ATP7A: variants seen among roughly 807,000 people sequenced by gnomAD.
ATP7A encodes the protein ATPase copper transporting alpha.
A neutral mutation model predicts 83.5 loss-of-function variants in ATP7A; 7 were observed. The ratio of observed to expected loss-of-function variants is 0.08; its 90% CI spans 0.05 to 0.16. ATP7A has a LOEUF of 0.16. ATP7A is among the 10% of genes least tolerant of loss of function. The pLI, the probability that ATP7A is intolerant of heterozygous loss-of-function variation, is 1.00. For missense variants in ATP7A, 940 were observed against 1,120.8 expected, an observed-to-expected ratio of 0.84 and a Z score of 2.30; for synonymous variants, 354 against 395.2, an observed-to-expected ratio of 0.90 and a Z score of 1.24.
At chrX:78,035,606 A>G (rs907324048) in intron 17 of ATP7A, among the ~76,000 whole-genome samples, 5 of 110,967 alleles carry the variant, frequency 4.5e-5, no homozygotes, top group Middle Eastern at 4.6e-3. Flanking sequence ...TCTGTTCCCC[A>G]TGATATGTCT....
chrX:78,026,111 C>T (rs1201925537), intron 14 of ATP7A, among the ~76,000 whole-genome samples: 2 of 111,320 alleles, frequency 1.8e-5, no homozygotes, highest in Non-Finnish European at 3.8e-5. Context: ...TGTAAATGGC[C>T]TAAATACTCC....
At chrX:78,021,141 T>G (rs2077903367) in intron 14 of ATP7A, 62 bp downstream of exon 14, 1 of 1,076,562 alleles carries the variant, frequency 9.3e-7, no homozygotes, top group African/African-American at 1.8e-5. Flanking sequence ...TTTGCATTAG[T>G]AATTCATTGG....
intron 1 of ATP7A, among the ~76,000 whole-genome samples, chrX:77,930,057 A>T (rs1557224018): frequency 8.9e-6 from 1 of 112,037 alleles, no homozygotes; most frequent in Non-Finnish European, 1.9e-5. Flanking sequence ...GAAGCACATG[A>T]AGAGGGAGAA....
chrX:78,017,746 T>C (rs781873414), intron 12 of ATP7A, among the ~76,000 whole-genome samples: 12 of 102,755 alleles, frequency 1.2e-4, no homozygotes, highest in Admixed American at 7.3e-4. Flanking sequence ...AAAAATGCCA[T>C]CCGTCTCTTT....
At chrX:77,960,855 T>G (rs1313191883) in intron 1 of ATP7A, among the ~76,000 whole-genome samples, 3 of 112,033 alleles carry the variant, frequency 2.7e-5, no homozygotes, top group Non-Finnish European at 5.6e-5. Flanking sequence ...GTTTTTTCCA[T>G]ACTATATGAA....
rs1300793913 is a variant in ATP7A, at chrX:77,939,548, T to A, written c.-22+28713T>A. 6.3e-5 allele frequency among the ~76,000 whole-genome samples: 7 copies of A among 110,809 alleles called. No individual in the cohort carries two copies. The Admixed American group carries it at 6.8e-4, about 11-fold the overall frequency. ...AAGGTAAACAGAAAATGCTCTGACTTAACAGTTCCCCTCTCAGAGGAACTG... is the reference window on the plus strand; with the variant it reads ...AAGGTAAACAGAAAATGCTCTGACTAAACAGTTCCCCTCTCAGAGGAACTG... On this transcript the variant is annotated intron_variant, in intron 1 of 22. Coordinates refer to ENST00000341514, the MANE Select transcript of ATP7A (RefSeq NM_000052.7).
At chrX:77,942,586 C>T (rs1001861643) in intron 1 of ATP7A, among the ~76,000 whole-genome samples, 1 of 109,434 alleles carries the variant, frequency 9.1e-6, no homozygotes, top group Non-Finnish European at 1.9e-5. Context: ...GCTGGGACCA[C>T]AGTCACGTGC....
chrX:77,946,795 C>T (rs2077382740), intron 1 of ATP7A, among the ~76,000 whole-genome samples: 2 of 106,815 alleles, frequency 1.9e-5, no homozygotes, highest in East Asian at 5.8e-4. Flanking sequence ...AACTCTTGTG[C>T]ATTGTTGATA....
chrX:77,938,180 C>T (rs782410497), intron 1 of ATP7A, among the ~76,000 whole-genome samples: 12 of 112,047 alleles, frequency 1.1e-4, no homozygotes, highest in African/African-American at 2.9e-4. Context: ...ATTTATTTAT[C>T]GTAAGCGTCT....
intron 10 of ATP7A, among the ~76,000 whole-genome samples, chrX:78,014,209 C>T (rs931925098): frequency 1.3e-4 from 14 of 109,474 alleles, no homozygotes; most frequent in Admixed American, 2.0e-4. Flanking sequence ...AGTTTGAGAC[C>T]GGCCTGGCCA....
chrX:77,919,882 C>T (rs2077203703), intron 1 of ATP7A, among the ~76,000 whole-genome samples: 1 of 112,254 alleles, frequency 8.9e-6, no homozygotes, highest in African/African-American at 3.2e-5. Flanking sequence ...AGATTTTTTT[C>T]ATCATCCCAA....
chrX:77,981,491 A>T (rs1379496059), intron 2 of ATP7A, among the ~76,000 whole-genome samples: 1 of 112,055 alleles, frequency 8.9e-6, no homozygotes, highest in Non-Finnish European at 1.9e-5. Context: ...TACATTTGTC[A>T]TATAATGTTT....
intron 21 of ATP7A, among the ~76,000 whole-genome samples, chrX:78,045,062 C>T (rs782219631): frequency 4.5e-5 from 5 of 112,292 alleles, no homozygotes; most frequent in Admixed American, 9.4e-5. Context: ...TCATCCTCAT[C>T]ATGTGAGCAA....
chrX:77,990,110 G>C, intron 4 of ATP7A, 152 bp downstream of exon 4: 8 of 642,784 alleles, frequency 1.2e-5, no homozygotes, highest in Non-Finnish European at 1.6e-5. Context: ...TATATACAAA[G>C]ATGCATAAGG....
chrX:77,985,809 C>G (rs2077633594), intron 2 of ATP7A, among the ~76,000 whole-genome samples: 2 of 110,879 alleles, frequency 1.8e-5, no homozygotes, highest in Non-Finnish European at 3.8e-5. Flanking sequence ...CTAAAAAACT[C>G]CCTCTTGCTA....
At position 78,020,342 on chromosome X, in the gene ATP7A, G is replaced by A. The variant is rs146119866; in HGVS notation, c.2725G>A (p.Ala909Thr). Reference sequence around the variant, plus strand: ...GCTTATCTGCGCAACACATGTTGGAGCAGACACAACCCTTTCTCAAATTGT... The same window carrying A: ...GCTTATCTGCGCAACACATGTTGGAACAGACACAACCCTTTCTCAAATTGT... ...SLLICATHVG[A>T]DTTLSQIVKL... Residue 909 changes from alanine (A) to threonine (T), a missense_variant, in exon 13 of 23, where the codon GCA (alanine) becomes ACA (threonine). Coordinates refer to ENST00000341514, the MANE Select transcript of ATP7A (RefSeq NM_000052.7). 3.3e-5 allele frequency: 40 copies of A among 1,210,170 alleles called. No homozygotes were observed. Among genetic ancestry groups the A allele is most frequent in the Non-Finnish European group, 4.4e-5 (39 of 895,226 alleles).
chrX:77,971,816 A>T, intron 2 of ATP7A, 55 bp downstream of exon 2: 1 of 1,170,111 alleles, frequency 8.5e-7, no homozygotes, highest in Non-Finnish European at 1.2e-6. Flanking sequence ...ATTCTACTAG[A>T]AATTACTTCT....
At chrX:78,014,029 C>T (rs2149096480) in intron 10 of ATP7A, among the ~76,000 whole-genome samples, 1 of 111,132 alleles carries the variant, frequency 9.0e-6, no homozygotes, top group East Asian at 2.8e-4. Context: ...TGTCCTTTGC[C>T]TGTGTGTTTA....
chrX:78,015,833 G>A lies in ATP7A; in HGVS notation c.2578G>A (p.Gly860Ser), dbSNP rs1557235091. 1 of 1,210,059 alleles carries A rather than the reference G, an allele frequency of 8.3e-7. No individual in the cohort carries two copies. ...VVPGGKFPVD[G>S]RVIEGHSMVD... ...TCCAGGAGGCAAATTTCCAGTGGAT[G>A]GTCGTGTTATTGAAGGACATTCTAT... is the stretch of plus-strand genomic sequence containing the variant. The change falls in exon 12 of 23, where the codon GGT becomes AGT. Residue 860 changes from glycine to serine, a missense_variant. By Grantham distance (56) the Gly-to-Ser change is moderately conservative (BLOSUM62 0). Transcript: ENST00000341514.
Sources: gnomAD v4.1 joint callset for allele counts (sites outside exome capture counted in the v4.1 genomes callset) on GRCh38, gnomAD v4.1.1 for gene constraint, MANE v1.5 for transcripts, NCBI Gene and HGNC (gene_info 2026-07-23, HGNC 2026-07-21) for gene names.